Variants in OSBPL1A observed in about 807,000 individuals in gnomAD.
OSBPL1A encodes the protein oxysterol binding protein like 1A.
In OSBPL1A, 80 loss-of-function variants were observed where a neutral mutation model predicts 137.1. The ratio of observed to expected loss-of-function variants is 0.58; its 90% CI spans 0.49 to 0.70. The LOEUF (loss-of-function observed/expected upper bound fraction) is 0.70. OSBPL1A is among the 30% of genes least tolerant of loss of function. OSBPL1A has a pLI of 0.00. For missense variants in OSBPL1A, 970 were observed against 1,129.4 expected (o/e 0.86, Z 2.02); for synonymous variants, 365 against 389.7 (o/e 0.94, Z 0.75).
chr18:24,287,201 A>G (rs1218091755), intron 14 of OSBPL1A, among the ~76,000 whole-genome samples: 8 of 152,358 alleles, frequency 5.3e-5, no homozygotes, highest in African/African-American at 1.7e-4. Flanking sequence ...ATCAAAGGGT[A>G]TAACTGGGTT....
intron 4 of OSBPL1A, among the ~76,000 whole-genome samples, chr18:24,344,597 G>A (rs1159139386): frequency 6.6e-6 from 1 of 152,218 alleles, no homozygotes; most frequent in Non-Finnish European, 1.5e-5. Flanking sequence ...GCTGGAGGAA[G>A]ATGAGGCCCA....
rs918317243 is a variant in OSBPL1A, at chr18:24,232,194, T to C, written c.1445-6996A>G. 3.9e-5 allele frequency among the ~76,000 whole-genome samples: 6 copies of C among 152,158 alleles called. No homozygotes were observed. In the East Asian group the frequency reaches 9.6e-4, roughly 24 times the overall value. On this transcript the variant is annotated intron_variant, in intron 16 of 27. Transcript: ENST00000319481. ...AAACTCAGAAATAGCACAGTAAATA[T>C]GAAGAACACAAAGAAAGTAAACACA...
intron 1 of OSBPL1A, among the ~76,000 whole-genome samples, chr18:24,381,389 C>A (rs1906580962): frequency 6.6e-6 from 1 of 152,134 alleles, no homozygotes. Flanking sequence ...CTTGCTAAAA[C>A]CGGATTTTAC....
Position 24,347,984 on chromosome 18 carries a change from G to A in OSBPL1A, c.283-6326C>T, listed in dbSNP as rs1443899727. 7.2e-5 allele frequency: 11 copies of A among 152,104 alleles called. No individual in the cohort carries two copies. In the East Asian group the frequency reaches 1.7e-3, roughly 24 times the overall value. 9.4% of individuals were successfully genotyped at this position (152,104 alleles called of 1,614,324 possible). On this transcript the variant is annotated intron_variant, in intron 4 of 27. Coordinates refer to ENST00000319481, the MANE Select transcript of OSBPL1A (RefSeq NM_080597.4). Reference sequence around the variant, plus strand: ...GGAAATAAGAGAACACCTTTTTGGGGTTTAATCATGTTGATATACTGTTAT... The same window carrying A: ...GGAAATAAGAGAACACCTTTTTGGGATTTAATCATGTTGATATACTGTTAT...
chr18:24,180,661 T>G (rs181229460), intron 19 of OSBPL1A, among the ~76,000 whole-genome samples: 160 of 152,136 alleles, frequency 1.1e-3, no homozygotes, highest in African/African-American at 3.6e-3. Flanking sequence ...GATCACGAGG[T>G]CAGGAGATCG....
In OSBPL1A at chr18:24,219,621, G is replaced by A. The variant is rs183140450; in HGVS notation, c.1601+5421C>T. ...TCATCTAGACTAGATGAGAACAAGC[G>A]CTTGGAGTCTGGTGAAAGTATGTCT... On this transcript the variant is annotated intron_variant, in intron 17 of 27. Coordinates refer to ENST00000319481, the MANE Select transcript of OSBPL1A (RefSeq NM_080597.4). Among the ~76,000 whole-genome samples the A allele has an allele frequency of 1.5e-4, 23 of 152,180 alleles. 1 individual carries two copies. Among genetic ancestry groups the A allele is most frequent in the Middle Eastern group, 3.4e-3 (1 of 294 alleles).
Position 24,200,726 on chromosome 18 carries a change from G to C in OSBPL1A, c.1602-4526C>G, listed in dbSNP as rs542486623. On this transcript the variant is annotated intron_variant, in intron 17 of 27. Coordinates refer to ENST00000319481, the MANE Select transcript of OSBPL1A (RefSeq NM_080597.4). ...GTTGTATTGTTTCAAGAATAGCGTG[G>C]GGAACAAAAATTTTATGACTCTAAA... Among the ~76,000 whole-genome samples, 7 of 151,992 alleles carry C rather than the reference G, an allele frequency of 4.6e-5. No homozygotes were observed. The East Asian group carries it at 1.3e-3, about 29-fold the overall frequency.
intron 4 of OSBPL1A, among the ~76,000 whole-genome samples, chr18:24,342,470 A>C (rs1165949023): frequency 6.6e-6 from 1 of 152,170 alleles, no homozygotes; most frequent in Non-Finnish European, 1.5e-5. Flanking sequence ...TCTTGCACTA[A>C]GGGAGGCTGA....
chr18:24,170,923 C>A (rs1298130960), intron 23 of OSBPL1A, among the ~76,000 whole-genome samples: 1 of 126,452 alleles, frequency 7.9e-6, no homozygotes, highest in African/African-American at 2.5e-5. Flanking sequence ...GCTGGGAATA[C>A]AGGCGTGAGC....
At chr18:24,257,797 A>C (rs2089327482) in intron 15 of OSBPL1A, among the ~76,000 whole-genome samples, 1 of 152,200 alleles carries the variant, frequency 6.6e-6, no homozygotes, top group Non-Finnish European at 1.5e-5. Flanking sequence ...AAATCCAATA[A>C]TGCTATTAAA....
At chr18:24,385,451 A>G (rs1166492735) in intron 1 of OSBPL1A, among the ~76,000 whole-genome samples, 3 of 152,206 alleles carry the variant, frequency 2.0e-5, no homozygotes, top group African/African-American at 7.2e-5. Flanking sequence ...ATAAGTGGTC[A>G]TTAAAATCAA....
At chr18:24,295,294 C>A (rs2090268708) in intron 14 of OSBPL1A, among the ~76,000 whole-genome samples, 1 of 152,112 alleles carries the variant, frequency 6.6e-6, no homozygotes, top group South Asian at 2.1e-4. Flanking sequence ...TGTTTGAGTG[C>A]CTTGCAGATT....
At position 24,238,677 on chromosome 18, in the gene OSBPL1A, A is replaced by C. The variant is rs145166138; in HGVS notation, c.1444+543T>G. On this transcript the variant is annotated intron_variant, in intron 16 of 27. Transcript: ENST00000319481. Reference sequence around the variant, plus strand: ...GCTAGTGACAGAAGCTCTGGAGTCCATGCTCCTTGCAGAAATGCTATGCCG... The same window carrying C: ...GCTAGTGACAGAAGCTCTGGAGTCCCTGCTCCTTGCAGAAATGCTATGCCG... Among the ~76,000 whole-genome samples the C allele has an allele frequency of 2.4e-3, 366 of 152,334 alleles. 1 individual carries two copies. The highest frequency in any genetic ancestry group is 8.5e-3 in the African/African-American group (355 of 41,580).
intron 1 of OSBPL1A, among the ~76,000 whole-genome samples, chr18:24,391,089 A>G (rs1907323559): frequency 6.6e-6 from 1 of 152,182 alleles, no homozygotes. Flanking sequence ...GCGACAAAGC[A>G]AGACTCTGTC....
intron 11 of OSBPL1A, 98 bp from the exon 12 acceptor site, chr18:24,314,445 C>A: frequency 3.9e-6 from 3 of 764,044 alleles, no homozygotes; most frequent in South Asian, 2.0e-5. Context: ...CATGACTTAA[C>A]GATACCCAGT....
intron 16 of OSBPL1A, among the ~76,000 whole-genome samples, chr18:24,229,359 G>T (rs545550369): frequency 2.0e-5 from 3 of 152,326 alleles, no homozygotes; most frequent in African/African-American, 7.2e-5. Flanking sequence ...TCAATTACAT[G>T]ATTTACAGTG....
chr18:24,171,487 T>C lies in OSBPL1A; in HGVS notation c.2213A>G (p.Lys738Arg). The part of the protein sequence containing the change: ...VEIINHKTGD[K>R]CVLNFKPCGL... The stretch of plus-strand genomic sequence containing the variant: ...ACATGGCTTAAAATTCAACACACAT[T>C]TGTCCCCAGTCCTATAAAGAAAATA... Residue 738 changes from lysine to arginine, a missense_variant, in exon 23 of 28, where the codon AAA (lysine) becomes AGA (arginine). Physicochemically the swap from Lys to Arg is conservative, Grantham distance 26 (BLOSUM62 2). Coordinates refer to ENST00000319481, the MANE Select transcript of OSBPL1A (RefSeq NM_080597.4). 3 of 1,612,924 alleles carry C rather than the reference T, an allele frequency of 1.9e-6. No individual in the cohort carries two copies. Among genetic ancestry groups the C allele is most frequent in the Non-Finnish European group, 2.5e-6 (3 of 1,179,088 alleles).
At chr18:24,181,676 T>G (rs1452735592) in intron 18 of OSBPL1A, among the ~76,000 whole-genome samples, 2 of 152,204 alleles carry the variant, frequency 1.3e-5, no homozygotes, top group African/African-American at 4.8e-5. Context: ...TTACTGGAGA[T>G]GGCTCCAGTG....
intron 15 of OSBPL1A, among the ~76,000 whole-genome samples, chr18:24,257,329 C>T (rs1030510619): frequency 2.0e-5 from 3 of 152,216 alleles, no homozygotes; most frequent in African/African-American, 4.8e-5. Flanking sequence ...CATCCTCACA[C>T]TCACAGTGAA....
Sources: gnomAD v4.1 joint callset for allele counts (sites outside exome capture counted in the v4.1 genomes callset) on GRCh38, gnomAD v4.1.1 for gene constraint, MANE v1.5 for transcripts, NCBI Gene and HGNC (gene_info 2026-07-23, HGNC 2026-07-21) for gene names.